Variants in NUP155 observed in about 807,000 individuals in gnomAD.
The protein encoded by NUP155 is nuclear pore complex protein Nup155.
In NUP155, 71 loss-of-function variants were observed where a neutral mutation model predicts 180.4. The ratio of observed to expected loss-of-function variants is 0.39; its 90% CI spans 0.33 to 0.48. The LOEUF is 0.48. Among genes scored for constraint, NUP155 ranks in the 20% least tolerant of loss-of-function variants. The pLI is 0.91. For missense variants in NUP155, 1,553 were observed against 1,648.9 expected (o/e 0.94, Z 1.01); for synonymous variants, 582 against 559.5 (o/e 1.04, Z -0.57).
chr5:37,328,211 C>T (rs1157563025), intron 17 of NUP155, 147 bp downstream of exon 17: 6 of 687,432 alleles, frequency 8.7e-6, no homozygotes, highest in Middle Eastern at 5.4e-4. Context: ...CATCCAAATG[C>T]CAAAACTTGC....
At chr5:37,318,623 T>C (rs1744055635) in intron 20 of NUP155, among the ~76,000 whole-genome samples, 1 of 152,148 alleles carries the variant, frequency 6.6e-6, no homozygotes, top group East Asian at 1.9e-4. Flanking sequence ...ATAATGCAAA[T>C]ATTTAAAAAT....
At chr5:37,360,028 A>G (rs1373609256) in intron 3 of NUP155, among the ~76,000 whole-genome samples, 1 of 151,652 alleles carries the variant, frequency 6.6e-6, no homozygotes, top group Non-Finnish European at 1.5e-5. Context: ...TGAGGCATGA[A>G]AATCACTTGA....
intron 19 of NUP155, among the ~76,000 whole-genome samples, chr5:37,325,349 C>T (rs750223563): frequency 2.0e-5 from 3 of 152,112 alleles, no homozygotes; most frequent in Non-Finnish European, 4.4e-5. Flanking sequence ...CCTTCTTTTA[C>T]CATGAGGTAT....
At chr5:37,358,878 A>G (rs1747019282) in intron 3 of NUP155, among the ~76,000 whole-genome samples, 4 of 152,034 alleles carry the variant, frequency 2.6e-5, no homozygotes, top group Admixed American at 2.0e-4. Flanking sequence ...TTAGCCCGGC[A>G]TGGTGGCGCA....
Position 37,341,382 on chromosome 5 carries a change from G to A in NUP155, c.1094-140C>T, listed in dbSNP as rs1271145379. On this transcript the variant is annotated intron_variant, in intron 10 of 34. Coordinates refer to ENST00000231498, the MANE Select transcript of NUP155 (RefSeq NM_153485.3). The stretch of plus-strand genomic sequence containing the variant: ...TTCCTGACTAATTTTTATTTTTGGA[G>A]ATGGAGTCTAGCTCTGTCGCCCAGG... 1.8e-5 allele frequency: 14 copies of A among 768,394 alleles called. 1 individual carries two copies. Among genetic ancestry groups the A allele is most frequent in the South Asian group, 1.7e-4 (11 of 63,730 alleles). The allele number at this position is 768,394 out of a possible 1,614,324, so 47.6% of individuals were successfully genotyped here. A position where few individuals can be genotyped will look rare whatever the true frequency, so the allele number is the denominator to read the frequency against.
At chr5:37,348,151 A>T (rs892711216) in intron 9 of NUP155, among the ~76,000 whole-genome samples, 1 of 152,004 alleles carries the variant, frequency 6.6e-6, no homozygotes, top group Non-Finnish European at 1.5e-5. Flanking sequence ...AATATATATA[A>T]AAATTAGCCA....
intron 32 of NUP155, among the ~76,000 whole-genome samples, chr5:37,296,148 G>A (rs1298907320): frequency 3.3e-5 from 5 of 152,152 alleles, no homozygotes; most frequent in Admixed American, 6.5e-5. Flanking sequence ...GAGCCCCTCT[G>A]CCCGGCCACC....
intron 21 of NUP155, among the ~76,000 whole-genome samples, chr5:37,316,206 C>T (rs1298753611): frequency 1.3e-5 from 2 of 152,096 alleles, no homozygotes; most frequent in South Asian, 2.1e-4. Flanking sequence ...GGTATATGTG[C>T]ACATATGCAC....
chr5:37,309,253 G>A lies in NUP155; in HGVS notation c.2643C>T (p.Leu881=). The A allele has an allele frequency of 1.8e-5, 29 of 1,609,852 alleles. No homozygotes were observed. The highest frequency in any genetic ancestry group is 2.4e-5 in the Non-Finnish European group (28 of 1,178,468). Residue 881 remains leucine (L), a synonymous_variant, in exon 24 of 35, where the codon CTC becomes CTT. Coordinates refer to ENST00000231498, the MANE Select transcript of NUP155 (RefSeq NM_153485.3). ...TATTTTGAACTTGTCGGGAACGCTG[G>A]AGAAGCTCATTTGCCTAGAAGAGGA... ...DAICSKANEL[L]QRSRQVQNKT...
chr5:37,358,290 G>A (rs1746978008), intron 3 of NUP155, 139 bp from the exon 4 acceptor site: 4 of 692,272 alleles, frequency 5.8e-6, no homozygotes, highest in African/African-American at 3.5e-5. Context: ...ACCAGCCTGG[G>A]CAACATAGTG....
rs1242996847 is a variant in NUP155 at position 37,357,932 on chromosome 5, G to A, written c.463+149C>T. 5 of 616,260 alleles carry A rather than the reference G, an allele frequency of 8.1e-6. No homozygotes were observed. The African/African-American group carries it at 9.1e-5, about 11-fold the overall frequency. The allele number at this position is 616,260 out of a possible 1,614,324, so 38.2% of individuals were successfully genotyped here. ...TGCTTGAACCCAGGAGGCGGAGATT[G>A]CAGTGAGCCAAGATTGCGCCACTGC... On this transcript the variant is annotated intron_variant, in intron 4 of 34. Coordinates refer to ENST00000231498, the MANE Select transcript of NUP155 (RefSeq NM_153485.3).
chr5:37,315,071 A>G (rs542665858), intron 21 of NUP155, among the ~76,000 whole-genome samples: 1 of 152,092 alleles, frequency 6.6e-6, no homozygotes, highest in South Asian at 2.1e-4. Flanking sequence ...ATCTCTACTG[A>G]AAACACAAAA....
In NUP155 at chr5:37,363,883, C is replaced by T; in HGVS notation, c.392+5G>A. 6.3e-7 allele frequency: 1 copy of T among 1,595,054 alleles called. No individual in the cohort carries two copies. The highest frequency in any genetic ancestry group is 8.6e-7 in the Non-Finnish European group (1 of 1,162,698). On this transcript the variant is annotated splice_donor_5th_base_variant and intron_variant, in intron 3 of 34. Coordinates refer to ENST00000231498, the MANE Select transcript of NUP155 (RefSeq NM_153485.3). ...CCTTAAAGCAAACCAGCCTTAAATACATACCCATCCTCATAGTTCCACATG... is the reference window on the plus strand; with the variant it reads ...CCTTAAAGCAAACCAGCCTTAAATATATACCCATCCTCATAGTTCCACATG...
chr5:37,361,428 A>G (rs1197553687), intron 3 of NUP155, among the ~76,000 whole-genome samples: 4 of 152,160 alleles, frequency 2.6e-5, no homozygotes, highest in African/African-American at 9.7e-5. Flanking sequence ...ACGAAAAAAT[A>G]TGATCTAGAC....
At chr5:37,300,367 T>C (rs1490325040) in intron 30 of NUP155, among the ~76,000 whole-genome samples, 1 of 152,186 alleles carries the variant, frequency 6.6e-6, no homozygotes, top group African/African-American at 2.4e-5. Flanking sequence ...ATCAGATAGG[T>C]CTTATTCATT....
chr5:37,327,480 G>A lies in NUP155; in HGVS notation c.2024+149C>T, dbSNP rs1744676041. Reference sequence around the variant, plus strand: ...GAATATAGTTAGATAACAAAAACTGGAATAATAGAAAAGTTTTATTGATCA... The same window carrying A: ...GAATATAGTTAGATAACAAAAACTGAAATAATAGAAAAGTTTTATTGATCA... On this transcript the variant is annotated intron_variant, in intron 18 of 34. Transcript: ENST00000231498. 4.0e-6 allele frequency: 3 copies of A among 756,572 alleles called. No homozygotes were observed. The South Asian group carries it at 5.0e-5, about 13-fold the overall frequency. 46.9% of individuals were successfully genotyped at this position (756,572 alleles called of 1,614,324 possible).
chr5:37,317,337 A>C (rs1169100741), intron 21 of NUP155, among the ~76,000 whole-genome samples: 1 of 151,572 alleles, frequency 6.6e-6, no homozygotes, highest in Non-Finnish European at 1.5e-5. Context: ...GAAAATACAA[A>C]ATTAGCCGGG....
chr5:37,294,017 A>T lies in NUP155; in HGVS notation c.3930+312T>A, dbSNP rs923020325. ...CGAGACGCCGTCTCAAAAAAAAAAA[A>T]AAAAAAAAAAATAAAGCAAATGATG... On this transcript the variant is annotated intron_variant, in intron 33 of 34. Coordinates refer to ENST00000231498, the MANE Select transcript of NUP155 (RefSeq NM_153485.3). Among the ~76,000 whole-genome samples the T allele has an allele frequency of 1.7e-4, 25 of 149,584 alleles. 4 individuals are homozygous for T. In the East Asian group the frequency reaches 3.8e-3, roughly 22 times the overall value.
At chr5:37,369,501 A>G (rs1747822004) in intron 1 of NUP155, among the ~76,000 whole-genome samples, 1 of 152,168 alleles carries the variant, frequency 6.6e-6, no homozygotes, top group Non-Finnish European at 1.5e-5. Flanking sequence ...GGTGTGTGTA[A>G]AGGCATGAGA....
Sources: gnomAD v4.1 joint callset for allele counts (sites outside exome capture counted in the v4.1 genomes callset) on GRCh38, gnomAD v4.1.1 for gene constraint, MANE v1.5 for transcripts, NCBI Gene and HGNC (gene_info 2026-07-23, HGNC 2026-07-21) for gene names.